Variants in IMPACT observed in about 807,000 individuals in gnomAD.
IMPACT encodes the protein impact RWD domain protein.
IMPACT carries 35 observed loss-of-function variants against 47.5 expected under a neutral mutation model. The observed-to-expected ratio is 0.74, with a 90% CI of 0.56 to 0.98. The LOEUF is 0.98. IMPACT is among the 50% of genes least tolerant of loss of function. The probability of loss-of-function intolerance (pLI) is 0.00; values close to 1 mark genes in which losing one functional copy is unlikely to be tolerated. For missense variants in IMPACT, 373 were observed against 394.8 expected (o/e 0.94, Z 0.47); for synonymous variants, 118 against 125.6 (o/e 0.94, Z 0.40).
At chr18:24,445,650 A>G (rs1909231996) in intron 8 of IMPACT, among the ~76,000 whole-genome samples, 184 bp downstream of exon 8, 1 of 152,254 alleles carries the variant, frequency 6.6e-6, no homozygotes, top group African/African-American at 2.4e-5. Context: ...ATTTTCTGCC[A>G]TCAAATGTAA....
intron 5 of IMPACT, among the ~76,000 whole-genome samples, chr18:24,438,624 T>A (rs1909009237): frequency 6.6e-6 from 1 of 152,164 alleles, no homozygotes; most frequent in Non-Finnish European, 1.5e-5. Flanking sequence ...GGTGGTGTAC[T>A]CCCAGCTACT....
At chr18:24,430,591 A>G (rs1908727102) in intron 4 of IMPACT, among the ~76,000 whole-genome samples, 1 of 152,210 alleles carries the variant, frequency 6.6e-6, no homozygotes, top group Non-Finnish European at 1.5e-5. Flanking sequence ...ATACAAAAAT[A>G]CAGTAATATT....
chr18:24,440,498 C>A lies in IMPACT; in HGVS notation c.370C>A (p.Pro124Thr). 6.2e-7 allele frequency: 1 copy of A among 1,611,840 alleles called. No homozygotes were observed. Among genetic ancestry groups the A allele is most frequent in the Non-Finnish European group, 8.5e-7 (1 of 1,179,132 alleles). Residue 124 changes from proline to threonine, a missense_variant and splice_region_variant, in exon 6 of 11, where the codon CCA becomes ACA. By Grantham distance (38) the Pro-to-Thr change is conservative. Transcript: ENST00000284202. ...AATTGTGTCTCATATTCACATAGGC[C>A]CAGATGTAAAGAAGAAAACTGAAGA... ...IQKSQMTEPG[P>T]DVKKKTEEED...
chr18:24,428,172 A>C (rs545535626), intron 2 of IMPACT, 125 bp downstream of exon 2: 1 of 845,958 alleles, frequency 1.2e-6, no homozygotes, highest in African/African-American at 1.8e-5. Context: ...CTCAATGATT[A>C]AACACATGGG....
intron 4 of IMPACT, among the ~76,000 whole-genome samples, 176 bp downstream of exon 4, chr18:24,430,560 C>T (rs1271566963): frequency 6.6e-6 from 1 of 152,110 alleles, no homozygotes; most frequent in Admixed American, 6.6e-5. Flanking sequence ...TTTATATATA[C>T]ATTTGATAGC....
intron 4 of IMPACT, among the ~76,000 whole-genome samples, chr18:24,430,915 T>A (rs1271560389): frequency 6.6e-6 from 1 of 152,226 alleles, no homozygotes; most frequent in East Asian, 1.9e-4. Flanking sequence ...AATGTCTATG[T>A]ACTTTGAATG....
At chr18:24,427,184 A>AAG (rs1908632475) in intron 1 of IMPACT, 2 of 189,546 alleles carry the variant, frequency 1.1e-5, no homozygotes, top group African/African-American at 4.7e-5. Context: ...GCAGGTCCCG[A>AAG]GAGCCCACCG....
rs1401939070 is a variant in IMPACT, at chr18:24,427,906, C to G, written c.37-13C>G. ...GTACATTTGTTGACTTTTAAAAAAT[C>G]AATTTCTTTCAGAATGAGGAAATTG... On this transcript the variant is annotated splice_polypyrimidine_tract_variant and intron_variant, in intron 1 of 10. Coordinates refer to ENST00000284202, the MANE Select transcript of IMPACT (RefSeq NM_018439.4). 1 of 1,592,550 alleles carries G rather than the reference C, an allele frequency of 6.3e-7. No homozygotes were observed. Among genetic ancestry groups the G allele is most frequent in the East Asian group, 2.3e-5 (1 of 44,308 alleles).
At chr18:24,444,426 C>T (rs1177387718) in intron 7 of IMPACT, among the ~76,000 whole-genome samples, 1 of 152,204 alleles carries the variant, frequency 6.6e-6, no homozygotes, top group Non-Finnish European at 1.5e-5. Flanking sequence ...TTCCCTGCCA[C>T]CAATATTTCT....
chr18:24,427,873 T>TA, intron 1 of IMPACT, 46 bp from the exon 2 acceptor site: 1 of 1,542,786 alleles, frequency 6.5e-7, no homozygotes, highest in Non-Finnish European at 8.8e-7. Context: ...AATAGGATTT[T>TA]AAGATGTGTA....
Position 24,435,827 on chromosome 18 carries a change from C to T in IMPACT, c.282-2128C>T, listed in dbSNP as rs114415552. On this transcript the variant is annotated intron_variant, in intron 4 of 10. Coordinates refer to ENST00000284202, the MANE Select transcript of IMPACT (RefSeq NM_018439.4). ...CCATCTGTGTTTACTAATAGGTACC[C>T]GTTGAAGTTAGCCTCCTATTCTCCC... 1.3e-3 allele frequency among the ~76,000 whole-genome samples: 191 copies of T among 146,108 alleles called. 1 individual carries two copies. The highest frequency in any genetic ancestry group is 4.3e-3 in the African/African-American group (177 of 41,108).
intron 7 of IMPACT, 101 bp downstream of exon 7, chr18:24,443,253 A>C: frequency 1.9e-6 from 1 of 525,954 alleles, no homozygotes; most frequent in East Asian, 3.4e-5. Context: ...TTTTATTTTC[A>C]TATAAGATAA....
chr18:24,445,392 G>A lies in IMPACT; in HGVS notation c.595-1G>A. On this transcript the variant is annotated splice_acceptor_variant, in intron 7 of 10. Transcript: ENST00000284202. LOFTEE classifies it high-confidence loss of function. ...TTATTTATATTATTGCTGTTTTTAA[G>A]GTGAAAATGGTTCTTTCCAAATTGT... The A allele has an allele frequency of 6.4e-7, 1 of 1,563,718 alleles. No homozygotes were observed. Among genetic ancestry groups the A allele is most frequent in the Non-Finnish European group, 8.7e-7 (1 of 1,143,282 alleles).
At position 24,445,441 on chromosome 18, in the gene IMPACT, GCCACCCACAACA is replaced by G; in HGVS notation, c.644_655del (p.Ala215_Ile219delinsVal). On this transcript the variant is annotated inframe_deletion, in exon 8 of 11. Transcript: ENST00000284202. The stretch of plus-strand genomic sequence containing the variant: ...GTATGAGAATAAGAAAATAGCTAGT[GCCACCCACAACA>G]TCTATGCCTACAGGTGAGTAATCAT... 1 of 1,605,868 alleles carries G rather than the reference GCCACCCACAACA, an allele frequency of 6.2e-7. No individual in the cohort carries two copies. The highest frequency in any genetic ancestry group is 8.5e-7 in the Non-Finnish European group (1 of 1,176,106).
chr18:24,431,135 T>C (rs1408958589), intron 4 of IMPACT, among the ~76,000 whole-genome samples: 2 of 152,110 alleles, frequency 1.3e-5, no homozygotes, highest in Non-Finnish European at 2.9e-5. Flanking sequence ...TAAAAATGAA[T>C]ATAACAATAG....
At chr18:24,429,209 A>G (rs891591008) in intron 3 of IMPACT, among the ~76,000 whole-genome samples, 1 of 152,186 alleles carries the variant, frequency 6.6e-6, no homozygotes, top group Non-Finnish European at 1.5e-5. Flanking sequence ...CTAGTAATCT[A>G]GCAACCTTGG....
rs1909406999 is a variant in IMPACT, at chr18:24,452,318, G to T, written c.*1471G>T. ...TATTTTATGTTGTATGTTATCAGGAGCCATCAGAGAATGACCTTTTTGTGT... is the reference window on the plus strand; with the variant it reads ...TATTTTATGTTGTATGTTATCAGGATCCATCAGAGAATGACCTTTTTGTGT... On this transcript the variant is annotated 3_prime_UTR_variant, in exon 11 of 11. Transcript: ENST00000284202. 6.6e-6 allele frequency: 1 copy of T among 152,094 alleles called. No individual in the cohort carries two copies. Among genetic ancestry groups the T allele is most frequent in the African/African-American group, 2.4e-5 (1 of 41,398 alleles). The allele number at this position is 152,094 out of a possible 1,614,324, so 9.4% of individuals were successfully genotyped here.
chr18:24,448,222 G>A, intron 9 of IMPACT, 39 bp downstream of exon 9: 1 of 1,403,900 alleles, frequency 7.1e-7, no homozygotes, highest in Non-Finnish European at 1.0e-6. Flanking sequence ...TTCTGTACAA[G>A]CCATAAAATT....
chr18:24,428,549 A>G (rs948348007), intron 2 of IMPACT, among the ~76,000 whole-genome samples: 2 of 152,242 alleles, frequency 1.3e-5, no homozygotes, highest in African/African-American at 2.4e-5. Flanking sequence ...TAAAGGATGC[A>G]AAACAGTTTT....
Sources: gnomAD v4.1 joint callset for allele counts (sites outside exome capture counted in the v4.1 genomes callset) on GRCh38, gnomAD v4.1.1 for gene constraint, MANE v1.5 for transcripts, NCBI Gene and HGNC (gene_info 2026-07-23, HGNC 2026-07-21) for gene names.